GLDC: variants seen among roughly 807,000 people sequenced by gnomAD.
GLDC encodes the protein glycine dehydrogenase (decarboxylating), mitochondrial.
In GLDC, 104 loss-of-function variants were observed where a neutral mutation model predicts 121.3. The ratio of observed to expected loss-of-function variants is 0.86; its 90% CI spans 0.73 to 1.01. GLDC has a LOEUF of 1.01. Among genes scored for constraint, GLDC ranks in the 50% least tolerant of loss-of-function variants. The probability of loss-of-function intolerance (pLI) is 0.00; values close to 1 mark genes in which losing one functional copy is unlikely to be tolerated. For synonymous variants in GLDC, 546 were observed against 480.6 expected, an observed-to-expected ratio of 1.14 and a Z score of -1.78; for missense variants, 1,429 against 1,306.6, an observed-to-expected ratio of 1.09 and a Z score of -1.44.
chr9:6,615,462 G>C (rs1818950067), intron 3 of GLDC, among the ~76,000 whole-genome samples: 1 of 151,492 alleles, frequency 6.6e-6, no homozygotes, highest in East Asian at 1.9e-4. Context: ...GGGCCTGTAA[G>C]TCCCACCTAC....
At chr9:6,588,728 G>T (rs1462961131) in intron 12 of GLDC, 26 bp from the exon 13 acceptor site, 1 of 1,529,744 alleles carries the variant, frequency 6.5e-7, no homozygotes. Context: ...ACAGAATTAG[G>T]GGCCCCAAAA....
chr9:6,629,957 A>ATAT, intron 2 of GLDC, among the ~76,000 whole-genome samples: 2 of 83,102 alleles, frequency 2.4e-5, no homozygotes, highest in African/African-American at 1.4e-4. Flanking sequence ...ATATATATAT[A>ATAT]TTTTTTTTTT....
At chr9:6,546,539 C>G (rs1192099598) in intron 21 of GLDC, among the ~76,000 whole-genome samples, 1 of 151,988 alleles carries the variant, frequency 6.6e-6, no homozygotes, top group Non-Finnish European at 1.5e-5. Flanking sequence ...TGTTCAGGGA[C>G]AGTAACACAC....
chr9:6,618,972 T>A (rs909171252), intron 3 of GLDC, among the ~76,000 whole-genome samples: 4 of 151,236 alleles, frequency 2.6e-5, no homozygotes, highest in African/African-American at 9.7e-5. Flanking sequence ...TGAAACCCCG[T>A]CTCTACTAAA....
rs1817836353 is a variant in GLDC at position 6,565,389 on chromosome 9, C to A, written c.1891G>T (p.Ala631Ser). Reference sequence around the variant, plus strand: ...CCCTCTCCTTTCTGGTTTAAGTAGGCTCGGATAGTGGCCAGTCCAGCATAT... The same window carrying A: ...CCCTCTCCTTTCTGGTTTAAGTAGGATCGGATAGTGGCCAGTCCAGCATAT... ...GEYAGLATIR[A>S]YLNQKGEGHR... is the part of the protein sequence containing the mutation. The change falls in exon 16 of 25, where the codon GCC (alanine) becomes TCC (serine). Residue 631 changes from alanine to serine, a missense_variant. By Grantham distance (99) the Ala-to-Ser change is moderately conservative. Coordinates refer to ENST00000321612, the MANE Select transcript of GLDC (RefSeq NM_000170.3). The A allele has an allele frequency of 6.2e-7, 1 of 1,613,860 alleles. No individual in the cohort carries two copies. The highest frequency in any genetic ancestry group is 1.3e-5 in the African/African-American group (1 of 74,908).
intron 2 of GLDC, among the ~76,000 whole-genome samples, chr9:6,630,646 A>C (rs1563870612): frequency 2.0e-5 from 3 of 152,176 alleles, no homozygotes; most frequent in Admixed American, 6.5e-5. Context: ...GCCTGGGCAG[A>C]TTGTTCTTGC....
chr9:6,612,595 T>C (rs1420097149), intron 3 of GLDC, among the ~76,000 whole-genome samples: 1 of 152,036 alleles, frequency 6.6e-6, no homozygotes, highest in Non-Finnish European at 1.5e-5. Context: ...GCGCAGTGGC[T>C]CATGCCTGTA....
chr9:6,580,238 C>T (rs1022838181), intron 15 of GLDC, among the ~76,000 whole-genome samples: 14 of 152,210 alleles, frequency 9.2e-5, no homozygotes, highest in African/African-American at 3.4e-4. Context: ...TGCAGGCTCT[C>T]TGCTTCTATA....
Position 6,601,565 on chromosome 9 carries a change from G to C in GLDC, c.1155+544C>G, listed in dbSNP as rs367872047. On this transcript the variant is annotated intron_variant, in intron 8 of 24. Coordinates refer to ENST00000321612, the MANE Select transcript of GLDC (RefSeq NM_000170.3). ...CATGTATGGTGAAGAGAAAGCATAG[G>C]CAAATGGTGTACATATAAAGAACAC... is the stretch of plus-strand genomic sequence containing the variant. 3.3e-5 allele frequency among the ~76,000 whole-genome samples: 5 copies of C among 152,192 alleles called. No homozygotes were observed. In the East Asian group the frequency reaches 5.8e-4, roughly 18 times the overall value.
intron 16 of GLDC, among the ~76,000 whole-genome samples, chr9:6,560,825 C>G (rs549985636): frequency 6.6e-6 from 1 of 152,262 alleles, no homozygotes; most frequent in Non-Finnish European, 1.5e-5. Flanking sequence ...GGGGGACTTG[C>G]AGATGGGATT....
At chr9:6,608,999 G>T (rs975442177) in intron 4 of GLDC, among the ~76,000 whole-genome samples, 2 of 152,074 alleles carry the variant, frequency 1.3e-5, no homozygotes, top group Admixed American at 6.6e-5. Flanking sequence ...TGCTGACCAA[G>T]TATGGAGCTC....
intron 21 of GLDC, among the ~76,000 whole-genome samples, chr9:6,545,508 A>C (rs1434523102): frequency 6.6e-6 from 1 of 152,214 alleles, no homozygotes. Context: ...TCAGTGAGTG[A>C]GTGGTGAGTG....
In GLDC at chr9:6,593,010, C is replaced by A; in HGVS notation, c.1262-20G>T. 2 of 1,613,506 alleles carry A rather than the reference C, an allele frequency of 1.2e-6. No homozygotes were observed. The highest frequency in any genetic ancestry group is 2.2e-5 in the South Asian group (2 of 91,072). ...TGAGACCTACACAAGATAGGAGATC[C>A]CCCAAACTCTCATATAGAAACCTGC... On this transcript the variant is annotated intron_variant, in intron 9 of 24. Transcript: ENST00000321612.
Position 6,537,303 on chromosome 9 carries a change from G to A in GLDC, c.2666-1067C>T, listed in dbSNP as rs12347503. ...CAATATGCAGAGATAACAGGCATGA[G>A]CCACCACACCAGGCCTATGAAACTT... is the stretch of plus-strand genomic sequence containing the variant. On this transcript the variant is annotated intron_variant, in intron 22 of 24. Coordinates refer to ENST00000321612, the MANE Select transcript of GLDC (RefSeq NM_000170.3). 6.6e-3 allele frequency among the ~76,000 whole-genome samples: 998 copies of A among 152,266 alleles called. 10 individuals are homozygous for A. Among genetic ancestry groups the A allele is most frequent in the African/African-American group, 0.022 (912 of 41,560 alleles).
chr9:6,582,144 G>GGCGGAGGTTGCAGTGAGCC (rs1818181640), intron 15 of GLDC, among the ~76,000 whole-genome samples: 1 of 147,964 alleles, frequency 6.8e-6, no homozygotes, highest in South Asian at 2.1e-4. Context: ...CAACCTGAGA[G>GGCGGAGGTTGCAGTGAGCC]GCGGAGGTTG....
At chr9:6,632,709 C>T (rs898529771) in intron 2 of GLDC, among the ~76,000 whole-genome samples, 3 of 152,238 alleles carry the variant, frequency 2.0e-5, no homozygotes, top group Non-Finnish European at 4.4e-5. Flanking sequence ...CTCCCAGCCT[C>T]CTGAGGCGGG....
Position 6,536,049 on chromosome 9 carries a change from C to T in GLDC, c.2838+15G>A. Reference sequence around the variant, plus strand: ...TTTAAGGAACATTTCAAGCAATGTTCCAGGGCCTACGCACCTTCAGCGGAT... The same window carrying T: ...TTTAAGGAACATTTCAAGCAATGTTTCAGGGCCTACGCACCTTCAGCGGAT... On this transcript the variant is annotated intron_variant, in intron 23 of 24. Coordinates refer to ENST00000321612, the MANE Select transcript of GLDC (RefSeq NM_000170.3). 1.2e-6 allele frequency: 2 copies of T among 1,608,344 alleles called. No individual in the cohort carries two copies. Among genetic ancestry groups the T allele is most frequent in the Non-Finnish European group, 8.5e-7 (1 of 1,175,762 alleles).
At chr9:6,549,529 C>T (rs1445491447) in intron 21 of GLDC, among the ~76,000 whole-genome samples, 1 of 152,088 alleles carries the variant, frequency 6.6e-6, no homozygotes, top group Non-Finnish European at 1.5e-5. Flanking sequence ...CTTCTCCCTC[C>T]CTCTTAATGT....
chr9:6,547,910 A>G lies in GLDC; in HGVS notation c.2569+2893T>C, dbSNP rs544702619. Among the ~76,000 whole-genome samples the G allele has an allele frequency of 4.6e-5, 7 of 152,290 alleles. No homozygotes were observed. The South Asian group carries it at 1.2e-3, about 27-fold the overall frequency. ...TTTGGGAGGCCGAGGTGGGAGGATC[A>G]CTAGAGCAGAGGAGTTCAAGACCAA... On this transcript the variant is annotated intron_variant, in intron 21 of 24. Coordinates refer to ENST00000321612, the MANE Select transcript of GLDC (RefSeq NM_000170.3).
Sources: gnomAD v4.1 joint callset for allele counts (sites outside exome capture counted in the v4.1 genomes callset) on GRCh38, gnomAD v4.1.1 for gene constraint, MANE v1.5 for transcripts, NCBI Gene and HGNC (gene_info 2026-07-23, HGNC 2026-07-21) for gene names.